Variants in CD72 observed in about 807,000 individuals in gnomAD.
The protein encoded by CD72 is CD72 molecule.
In CD72, 28 loss-of-function variants were observed where a neutral mutation model predicts 50.7. The ratio of observed to expected loss-of-function variants is 0.55; its 90% CI spans 0.41 to 0.76. CD72 has a LOEUF of 0.76. Ranked by LOEUF, CD72 falls within the 30% of genes least tolerant of loss-of-function variation. CD72 has a pLI of 0.00. For missense variants in CD72, 403 were observed against 420.6 expected (o/e 0.96, Z 0.37); for synonymous variants, 176 against 171.2 (o/e 1.03, Z -0.22).
At chr9:35,644,981 C>T (rs1029537315) in intron 1 of CD72, among the ~76,000 whole-genome samples, 1 of 148,738 alleles carries the variant, frequency 6.7e-6, no homozygotes, top group African/African-American at 2.5e-5. Context: ...GTGGACAGAT[C>T]ACCTGAGGTT....
intron 1 of CD72, among the ~76,000 whole-genome samples, chr9:35,631,258 C>A (rs1436323610): frequency 6.6e-6 from 1 of 151,912 alleles, no homozygotes; most frequent in Non-Finnish European, 1.5e-5. Context: ...ACAATCATGT[C>A]AGCAGCAAAA....
intron 5 of CD72, among the ~76,000 whole-genome samples, chr9:35,615,440 C>T (rs969047741): frequency 6.6e-6 from 1 of 152,196 alleles, no homozygotes; most frequent in Non-Finnish European, 1.5e-5. Context: ...TAGTTCCCTA[C>T]ACCACAACTC....
Position 35,610,723 on chromosome 9 carries a change from C to T in CD72, c.981G>A (p.Lys327=), listed in dbSNP as rs890137644. ...RTYAQSSKCN[K]VHKTWSWWTL... ...TCCACCATGACCAAGTTTTATGTAC[C>T]TTGTTACATTTTGAGCTTTGAGCAT... The change falls in exon 8 of 9, where the codon AAG becomes AAA. Residue 327 remains lysine (K), a synonymous_variant. Coordinates refer to ENST00000259633, the MANE Select transcript of CD72 (RefSeq NM_001782.3). The T allele has an allele frequency of 3.7e-6, 6 of 1,612,690 alleles. No individual in the cohort carries two copies. The Admixed American group carries it at 1.0e-4, about 27-fold the overall frequency.
At chr9:35,615,093 G>A (rs763957112) in intron 5 of CD72, among the ~76,000 whole-genome samples, 8 of 152,250 alleles carry the variant, frequency 5.3e-5, no homozygotes, top group African/African-American at 7.2e-5. Flanking sequence ...TCCTTTCGCC[G>A]GAAGAGCAAT....
Position 35,617,052 on chromosome 9 carries a change from C to A in CD72, c.262+124G>T, listed in dbSNP as rs1158476586. ...GGTGAATGTGGCACGGCAGCCCGGGCGTCGGAAGGACTGCGCCCGGGTTTA... is the reference window on the plus strand; with the variant it reads ...GGTGAATGTGGCACGGCAGCCCGGGAGTCGGAAGGACTGCGCCCGGGTTTA... On this transcript the variant is annotated intron_variant, in intron 3 of 8. Transcript: ENST00000259633. The A allele has an allele frequency of 6.8e-6, 10 of 1,475,934 alleles. No homozygotes were observed. The South Asian group carries it at 1.1e-4, about 16-fold the overall frequency. 91.4% of individuals were successfully genotyped at this position (1,475,934 alleles called of 1,614,324 possible).
Position 35,618,298 on chromosome 9 carries a change from A to G in CD72, c.6T>C (p.Ala2=), listed in dbSNP as rs759556925. 1 of 1,614,178 alleles carries G rather than the reference A, an allele frequency of 6.2e-7. No individual in the cohort carries two copies. The highest frequency in any genetic ancestry group is 8.5e-7 in the Non-Finnish European group (1 of 1,179,988). ...TCAGATCTGCATAGGTGATGGCCTC[A>G]GCCATGGTCCTGAGCAGCTCTGCCC... M[A]EAITYADLRF... is the part of the protein sequence containing the mutation. Residue 2 remains alanine, a synonymous_variant, in exon 1 of 9, where the codon GCT becomes GCC. Transcript: ENST00000259633.
upstream of CD72, among the ~76,000 whole-genome samples, chr9:35,624,214 AAATAATAATAATAATAATAAT>A (rs58480562): frequency 6.7e-3 from 918 of 137,842 alleles, 14 homozygotes; most frequent in African/African-American, 0.022. Context: ...TCTGTCTCAA[AAATAATAATAATAATAATAAT>A]AATAATAATA....
chr9:35,631,619 C>T (rs925328696), intron 1 of CD72, among the ~76,000 whole-genome samples: 6 of 152,274 alleles, frequency 3.9e-5, no homozygotes, highest in African/African-American at 1.2e-4. Context: ...AACGGCTGGG[C>T]GCGGTGGCTC....
Position 35,616,601 on chromosome 9 carries a change from G to A in CD72, c.351C>T (p.Arg117=), listed in dbSNP as rs1212040400. The A allele has an allele frequency of 1.9e-6, 3 of 1,612,524 alleles. No individual in the cohort carries two copies. Among genetic ancestry groups the A allele is most frequent in the South Asian group, 2.2e-5 (2 of 91,052 alleles). The change falls in exon 4 of 9, where the codon CGC becomes CGT. Residue 117 remains arginine, a splice_region_variant and synonymous_variant. Coordinates refer to ENST00000259633, the MANE Select transcript of CD72 (RefSeq NM_001782.3). ...GGAAGTAGGGACAGCCTTACTCACA[G>A]CGCACTCCCAGGCAGATGGCGGTCA... The part of the protein sequence containing the change: ...LGVTAICLGV[R]YLQVSQQLQQ...
chr9:35,642,608 T>C (rs1395364079), intron 1 of CD72: 1 of 152,236 alleles, frequency 6.6e-6, no homozygotes, highest in African/African-American at 2.4e-5. Flanking sequence ...AAGAAAAGTC[T>C]TGCCCCATTG....
chr9:35,637,772 C>T (rs1052109519), intron 1 of CD72, among the ~76,000 whole-genome samples: 1 of 152,122 alleles, frequency 6.6e-6, no homozygotes, highest in Non-Finnish European at 1.5e-5. Flanking sequence ...GGTCATTCAC[C>T]CACATTCCCT....
At chr9:35,624,075 G>C (rs1823171514), upstream of CD72, among the ~76,000 whole-genome samples, 1 of 146,214 alleles carries the variant, frequency 6.8e-6, no homozygotes, top group Non-Finnish European at 1.5e-5. Flanking sequence ...AGCTGGGCGT[G>C]GTGGCACATG....
intron 1 of CD72, among the ~76,000 whole-genome samples, chr9:35,641,838 C>T (rs559015868): frequency 6.6e-6 from 1 of 152,218 alleles, no homozygotes; most frequent in South Asian, 2.1e-4. Context: ...TCTGTACAGC[C>T]AATAGTAATC....
rs1298600944 is a variant in CD72 at position 35,633,888 on chromosome 9, G to A, written n.408+12515C>T. Among the ~76,000 whole-genome samples the A allele has an allele frequency of 2.0e-5, 3 of 152,278 alleles. No homozygotes were observed. The East Asian group carries it at 5.8e-4, about 29-fold the overall frequency. On this transcript the variant is annotated intron_variant and non_coding_transcript_variant, in intron 1 of 3. Transcript: ENST00000465754. ...ACCATTGTTAAGTCGGGGATTGTCTGTATATAGCCTCTGGTTTTTAAAATA... is the reference window on the plus strand; with the variant it reads ...ACCATTGTTAAGTCGGGGATTGTCTATATATAGCCTCTGGTTTTTAAAATA...
chr9:35,638,261 T>C (rs1317140083), intron 1 of CD72, among the ~76,000 whole-genome samples: 1 of 152,128 alleles, frequency 6.6e-6, no homozygotes, highest in Non-Finnish European at 1.5e-5. Flanking sequence ...CAAGTGTTGC[T>C]GGGTCTTTTG....
At chr9:35,624,585 G>C (rs1333344725) in intron 1 of CD72, among the ~76,000 whole-genome samples, 2 of 152,068 alleles carry the variant, frequency 1.3e-5, no homozygotes, top group Non-Finnish European at 2.9e-5. Context: ...ATCATGAGGG[G>C]TTAGGGCTGC....
intron 5 of CD72, among the ~76,000 whole-genome samples, chr9:35,614,030 AAAAG>A (rs1167260227): frequency 6.6e-6 from 1 of 152,136 alleles, no homozygotes; most frequent in African/African-American, 2.4e-5. Context: ...AAAAAAAAAA[AAAAG>A]AAATCTGTAT....
intron 6 of CD72, 131 bp from the exon 7 acceptor site, chr9:35,612,050 C>T: frequency 3.3e-6 from 2 of 604,952 alleles, no homozygotes; most frequent in Admixed American, 2.9e-5. Context: ...GTAACTTGTC[C>T]CTGAATCCAT....
chr9:35,625,422 A>T (rs2131777581), intron 1 of CD72, among the ~76,000 whole-genome samples: 1 of 152,326 alleles, frequency 6.6e-6, no homozygotes. Flanking sequence ...AAAAATCTGA[A>T]GCCAGCAGAG....
Sources: gnomAD v4.1 joint callset for allele counts (sites outside exome capture counted in the v4.1 genomes callset) on GRCh38, gnomAD v4.1.1 for gene constraint, MANE v1.5 for transcripts, NCBI Gene and HGNC (gene_info 2026-07-23, HGNC 2026-07-21) for gene names.